The following ANK3 variants were observed in gnomAD, a reference collection of about 807,000 sequenced individuals.
ANK3 encodes the protein ankyrin-3.
Under a neutral mutation model 370.9 loss-of-function variants are expected in ANK3, and 57 were observed. That is an observed-to-expected ratio of 0.15 (90% CI 0.12 to 0.19). ANK3 has a LOEUF of 0.19. ANK3 is among the 10% of genes least tolerant of loss of function. The pLI, the probability that ANK3 is intolerant of heterozygous loss-of-function variation, is 1.00. For missense variants in ANK3, 4,439 were observed against 5,302.1 expected, an observed-to-expected ratio of 0.84 and a Z score of 5.06; for synonymous variants, 1,929 against 1,946.3, an observed-to-expected ratio of 0.99 and a Z score of 0.23.
chr10:60,128,327 G>A (rs778273282), intron 25 of ANK3, among the ~76,000 whole-genome samples: 4 of 151,918 alleles, frequency 2.6e-5, no homozygotes, highest in Non-Finnish European at 4.4e-5. Context: ...CTTACAAGCT[G>A]TGTCCCCGGG....
At chr10:60,136,496 T>C (rs2094351003) in intron 24 of ANK3, among the ~76,000 whole-genome samples, 1 of 6,958 alleles carries the variant, frequency 1.4e-4, no homozygotes, top group African/African-American at 1.9e-4. Context: ...TATGTTAACA[T>C]TGGGGTGTAT....
intron 1 of ANK3, among the ~76,000 whole-genome samples, chr10:60,701,959 T>A (rs955069432): frequency 6.6e-6 from 1 of 152,032 alleles, no homozygotes; most frequent in Non-Finnish European, 1.5e-5. Flanking sequence ...CAGCAGAAAT[T>A]CCTAAAAACA....
chr10:60,489,154 GAAT>G (rs1168434399), intron 2 of ANK3, among the ~76,000 whole-genome samples: 2 of 152,136 alleles, frequency 1.3e-5, no homozygotes, highest in Non-Finnish European at 2.9e-5. Flanking sequence ...ACATAAACAT[GAAT>G]AATAGTACTT....
chr10:60,578,369 T>C (rs972821868), intron 2 of ANK3, among the ~76,000 whole-genome samples: 1 of 152,202 alleles, frequency 6.6e-6, no homozygotes, highest in African/African-American at 2.4e-5. Context: ...CAATTTTCTC[T>C]AGAGGCCCAG....
At chr10:60,125,718 G>C (rs1232792026) in intron 25 of ANK3, among the ~76,000 whole-genome samples, 1 of 152,142 alleles carries the variant, frequency 6.6e-6, no homozygotes, top group Non-Finnish European at 1.5e-5. Context: ...GGGTTGAGAG[G>C]TAGAGGAGGA....
chr10:60,031,426 A>T (rs1430262659), intron 43 of ANK3, among the ~76,000 whole-genome samples: 1 of 152,160 alleles, frequency 6.6e-6, no homozygotes, highest in Non-Finnish European at 1.5e-5. Flanking sequence ...TTTGTGTGCT[A>T]TTGTGGTATG....
At chr10:60,435,554 A>G (rs1324633054) in intron 2 of ANK3, among the ~76,000 whole-genome samples, 1 of 152,180 alleles carries the variant, frequency 6.6e-6, no homozygotes, top group Non-Finnish European at 1.5e-5. Flanking sequence ...TCTCCCATTT[A>G]ACAAAGCTAT....
Position 60,076,257 on chromosome 10 carries a change from A to G in ANK3, c.4624T>C (p.Ser1542Pro). 6.2e-7 allele frequency: 1 copy of G among 1,614,174 alleles called. No homozygotes were observed. Among genetic ancestry groups the G allele is most frequent in the South Asian group, 1.1e-5 (1 of 91,086 alleles). Residue 1542 changes from serine to proline, a missense_variant, in exon 37 of 44, where the codon TCT becomes CCT. By Grantham distance (74) the Ser-to-Pro change is moderately conservative. This residue lies in a region of ANK3 where 679 missense variants were observed against 791.0 expected (regional missense o/e 0.86). Transcript: ENST00000280772. Reference protein sequence around the residue: ...PSASPLKSIWSVSTPSPIKST... With the variant: ...PSASPLKSIWPVSTPSPIKST... ...TTGATTGGAGAAGGTGTCGAAACAG[A>G]CCATATTGATTTTAACGGAGAAGCT...
At chr10:60,517,095 C>A (rs73273157) in intron 2 of ANK3, among the ~76,000 whole-genome samples, 1 of 152,002 alleles carries the variant, frequency 6.6e-6, no homozygotes, top group Non-Finnish European at 1.5e-5. Context: ...TTGACAGTCT[C>A]GCTCTGTCAC....
At chr10:60,273,683 G>T (rs962046226) in intron 4 of ANK3, among the ~76,000 whole-genome samples, 9 of 152,136 alleles carry the variant, frequency 5.9e-5, no homozygotes, top group African/African-American at 1.9e-4. Context: ...ACCTTGACTT[G>T]TAATAATCCC....
intron 28 of ANK3, among the ~76,000 whole-genome samples, chr10:60,105,280 T>C (rs1444371156): frequency 2.0e-5 from 3 of 152,092 alleles, no homozygotes; most frequent in Admixed American, 6.6e-5. Context: ...CTATTCCCAA[T>C]GTCTACTAAG....
chr10:60,073,140 C>A lies in ANK3; in HGVS notation c.7741G>T (p.Val2581Leu), dbSNP rs771223415. ...GTCAGTTTTTCTTCAGCCTCCTTCA[C>A]AGTCCTGTCCACCCTATCTTCATAT... ...LIYEDRVDRT[V>L]KEAEEKLTEV... Residue 2581 changes from valine (V) to leucine (L), a missense_variant, in exon 37 of 44, where the codon GTG becomes TTG. Around this residue, in one of 13 missense-constraint regions of ANK3, gnomAD observed 1,601 missense variants for 1,731.7 expected, o/e 0.92. Transcript: ENST00000280772. 6.2e-7 allele frequency: 1 copy of A among 1,614,138 alleles called. No homozygotes were observed. The highest frequency in any genetic ancestry group is 1.7e-5 in the Admixed American group (1 of 60,012).
chr10:60,277,499 A>G (rs1044512905), intron 4 of ANK3, among the ~76,000 whole-genome samples: 3 of 152,212 alleles, frequency 2.0e-5, no homozygotes, highest in Non-Finnish European at 4.4e-5. Context: ...GACATTCTTC[A>G]CTTTTTAATT....
chr10:60,355,172 T>C (rs894060721), intron 1 of ANK3, among the ~76,000 whole-genome samples: 1 of 152,250 alleles, frequency 6.6e-6, no homozygotes, highest in African/African-American at 2.4e-5. Flanking sequence ...CTTCTTTTTA[T>C]AATCTGTATT....
In ANK3 at chr10:60,411,755, T is replaced by G. The variant is rs1016838189; in HGVS notation, c.97-132116A>C. On this transcript the variant is annotated intron_variant, in intron 2 of 43. Coordinates refer to the ANK3 transcript ENST00000373827. Reference sequence around the variant, plus strand: ...CCTTAGATAAGTGACCCCATCTGCCTGTGCCTCAGTTTCCACATTTCTAAA... The same window carrying G: ...CCTTAGATAAGTGACCCCATCTGCCGGTGCCTCAGTTTCCACATTTCTAAA... 5.3e-5 allele frequency among the ~76,000 whole-genome samples: 8 copies of G among 152,324 alleles called. No homozygotes were observed. The South Asian group carries it at 1.0e-3, about 20-fold the overall frequency.
intron 7 of ANK3, among the ~76,000 whole-genome samples, chr10:60,245,062 G>A (rs1347306488): frequency 6.6e-6 from 1 of 152,146 alleles, no homozygotes. Flanking sequence ...CCAGCTACTT[G>A]GGAGGTTGAG....
intron 8 of ANK3, among the ~76,000 whole-genome samples, chr10:60,232,377 C>T (rs2097259324): frequency 6.6e-6 from 1 of 151,948 alleles, no homozygotes; most frequent in Non-Finnish European, 1.5e-5. Flanking sequence ...CCTTTTTCTC[C>T]ATGTGATAAT....
intron 1 of ANK3, among the ~76,000 whole-genome samples, chr10:60,308,160 A>T (rs536847439): frequency 6.6e-6 from 1 of 152,328 alleles, no homozygotes; most frequent in South Asian, 2.1e-4. Flanking sequence ...GACTGTATTC[A>T]ATATTTCCTG....
chr10:60,662,654 T>A (rs2078949364), intron 1 of ANK3, among the ~76,000 whole-genome samples: 1 of 152,182 alleles, frequency 6.6e-6, no homozygotes. Flanking sequence ...TTAGAACAAA[T>A]ACCATTATCA....
Sources: allele counts gnomAD v4.1 joint callset (sites outside exome capture counted in the v4.1 genomes callset), GRCh38; gene constraint gnomAD v4.1.1; regional missense constraint gnomAD v4.1.1; transcripts MANE v1.5; gene names NCBI Gene and HGNC (gene_info 2026-07-23, HGNC 2026-07-21).